GPHN: variants seen among roughly 807,000 people sequenced by gnomAD.
The protein encoded by GPHN is gephyrin.
A neutral mutation model predicts 95.5 loss-of-function variants in GPHN; 17 were observed. The observed-to-expected ratio is 0.18, with a 90% CI of 0.12 to 0.27. GPHN has a LOEUF of 0.27. Ranked by LOEUF, GPHN falls within the 10% of genes least tolerant of loss-of-function variation. GPHN has a pLI of 1.00. For synonymous variants in GPHN, 320 were observed against 322.5 expected, an observed-to-expected ratio of 0.99 and a Z score of 0.08; for missense variants, 660 against 978.1, an observed-to-expected ratio of 0.67 and a Z score of 4.34.
the GPHN span, among the ~76,000 whole-genome samples, chr14:67,644,732 C>T: frequency 6.6e-6 from 1 of 152,206 alleles, no homozygotes; most frequent in Non-Finnish European, 1.5e-5. Context: ...GGCATAGTGG[C>T]TCACGCCTGT....
the GPHN span, among the ~76,000 whole-genome samples, chr14:67,628,951 C>A: frequency 6.6e-6 from 1 of 152,138 alleles, no homozygotes; most frequent in Non-Finnish European, 1.5e-5. Flanking sequence ...TTAACAATAG[C>A]CAAAAGGTGG....
chr14:66,849,141 G>A (rs1297608678), intron 4 of GPHN, among the ~76,000 whole-genome samples: 1 of 151,888 alleles, frequency 6.6e-6, no homozygotes, highest in African/African-American at 2.4e-5. Context: ...AAAGATGATA[G>A]AACTAGAATT....
the GPHN span, among the ~76,000 whole-genome samples, chr14:67,681,063 A>G: frequency 6.6e-6 from 1 of 152,188 alleles, no homozygotes; most frequent in South Asian, 2.1e-4. Context: ...GTGTGACTGT[A>G]TTTAGAGAGA....
the GPHN span, among the ~76,000 whole-genome samples, chr14:67,253,556 G>A: frequency 6.4e-4 from 97 of 152,228 alleles, 7 homozygotes; most frequent in East Asian, 8.3e-3. Context: ...TAAAAATGAC[G>A]TAGTTAGGCC....
chr14:67,710,592 C>CA, the GPHN span, among the ~76,000 whole-genome samples: 10 of 151,756 alleles, frequency 6.6e-5, no homozygotes, highest in East Asian at 1.9e-4. Flanking sequence ...AGCTTTCTTA[C>CA]AAAAAAAATC....
the GPHN span, among the ~76,000 whole-genome samples, chr14:67,399,890 ACACAGTCACAAAAG>A: frequency 2.0e-5 from 3 of 152,198 alleles, no homozygotes; most frequent in Non-Finnish European, 4.4e-5. Context: ...TGAGTTTAGT[ACACAGTCACAAAAG>A]CACCTTCCTG....
chr14:67,420,109 C>G, the GPHN span, among the ~76,000 whole-genome samples: 11 of 152,230 alleles, frequency 7.2e-5, no homozygotes, highest in Non-Finnish European at 1.3e-4. Flanking sequence ...AGGGCCCTCT[C>G]AGTGCAACAA....
intron 20 of GPHN, 74 bp downstream of exon 20, chr14:67,165,300 AC>A (rs1205747807): frequency 1.1e-6 from 1 of 905,618 alleles, no homozygotes; most frequent in African/African-American, 1.6e-5. Context: ...TCATGTGACC[AC>A]CTGGTTTGAA....
At chr14:66,721,951 C>CAAA (rs35174343) in intron 2 of GPHN, among the ~76,000 whole-genome samples, 10 of 60,042 alleles carry the variant, frequency 1.7e-4, no homozygotes, top group Non-Finnish European at 2.1e-4. Context: ...AACTCTGTCT[C>CAAA]AAAAAAAAAA....
At chr14:67,390,614 TG>T in the GPHN span, 1 of 1,269,812 alleles carries the variant, frequency 7.9e-7, no homozygotes, top group East Asian at 2.3e-5. Flanking sequence ...GAGGAGTGTC[TG>T]GGGGCATCAC....
intron 4 of GPHN, among the ~76,000 whole-genome samples, chr14:66,856,252 T>C (rs1212418441): frequency 1.3e-5 from 2 of 152,176 alleles, no homozygotes; most frequent in East Asian, 3.8e-4. Context: ...TTTTGTGCTA[T>C]TCATGTATAT....
At chr14:67,115,856 A>G (rs1282930999) in intron 16 of GPHN, among the ~76,000 whole-genome samples, 13 of 152,220 alleles carry the variant, frequency 8.5e-5, no homozygotes, top group East Asian at 1.9e-4. Flanking sequence ...ATGTCTATGT[A>G]TACTCTAAAA....
At chr14:67,439,589 C>CTTTT in the GPHN span, among the ~76,000 whole-genome samples, 1,000 of 123,482 alleles carry the variant, frequency 8.1e-3, 33 homozygotes, top group African/African-American at 0.034. Flanking sequence ...TTCTTTCTTT[C>CTTTT]TTTCTTCTTT....
the GPHN span, among the ~76,000 whole-genome samples, chr14:67,306,887 T>C: frequency 1.3e-5 from 2 of 152,206 alleles, 1 homozygote. Flanking sequence ...TTATTGAGTA[T>C]CATTATGGTA....
At chr14:67,054,932 T>C (rs928710805) in intron 10 of GPHN, among the ~76,000 whole-genome samples, 3 of 152,142 alleles carry the variant, frequency 2.0e-5, no homozygotes. Context: ...TTATACCTTA[T>C]ACAAAAGTTA....
the GPHN span, among the ~76,000 whole-genome samples, chr14:67,442,443 C>T: frequency 6.6e-6 from 1 of 152,104 alleles, no homozygotes; most frequent in Non-Finnish European, 1.5e-5. Context: ...TGTGTGTGTA[C>T]TTCTACCTAG....
At chr14:67,200,191 C>G in the GPHN span, 1 of 1,140,306 alleles carries the variant, frequency 8.8e-7, no homozygotes, top group Admixed American at 2.8e-5. Flanking sequence ...TGGACTTCCT[C>G]CACTGATGCC....
At chr14:67,229,760 C>G in the GPHN span, among the ~76,000 whole-genome samples, 1 of 152,030 alleles carries the variant, frequency 6.6e-6, no homozygotes, top group Non-Finnish European at 1.5e-5. Context: ...TTAATTTAAT[C>G]TTTCTTTTTA....
chr14:67,621,200 G>A, the GPHN span, among the ~76,000 whole-genome samples: 2 of 152,158 alleles, frequency 1.3e-5, no homozygotes, highest in African/African-American at 4.8e-5. Flanking sequence ...GGTCTGAACA[G>A]CTGTCAGGGA....
Sources: allele counts gnomAD v4.1 joint callset (sites outside exome capture counted in the v4.1 genomes callset), GRCh38; gene constraint gnomAD v4.1.1; transcripts MANE v1.5; gene names NCBI Gene and HGNC (gene_info 2026-07-23, HGNC 2026-07-21).